DKK3: variants seen among roughly 807,000 people sequenced by gnomAD.
The protein encoded by DKK3 is dickkopf-related protein 3.
In DKK3, 22 loss-of-function variants were observed where a neutral mutation model predicts 33.2. That is an observed-to-expected ratio of 0.66 (90% CI 0.47 to 0.95). The LOEUF is 0.95. Ranked by LOEUF, DKK3 falls within the 40% of genes least tolerant of loss-of-function variation. The pLI is 0.00. For missense variants in DKK3, 398 were observed against 458.4 expected, an observed-to-expected ratio of 0.87 and a Z score of 1.20; for synonymous variants, 194 against 188.8, an observed-to-expected ratio of 1.03 and a Z score of -0.23.
intron 2 of DKK3, among the ~76,000 whole-genome samples, chr11:12,001,216 G>C (rs1285815559): frequency 6.6e-6 from 1 of 152,208 alleles, no homozygotes; most frequent in African/African-American, 2.4e-5. Context: ...ACATTCTTCA[G>C]TCGCAGATGA....
chr11:11,984,204 T>G (rs1429638335), intron 3 of DKK3, among the ~76,000 whole-genome samples: 1 of 152,164 alleles, frequency 6.6e-6, no homozygotes, highest in Non-Finnish European at 1.5e-5. Flanking sequence ...TGAATAAAGG[T>G]AAACATACAG....
At chr11:11,995,308 C>T (rs539391203) in intron 3 of DKK3, among the ~76,000 whole-genome samples, 3 of 152,220 alleles carry the variant, frequency 2.0e-5, no homozygotes, top group African/African-American at 7.2e-5. Context: ...TGGTCTTGAA[C>T]TCCTGTCTTC....
chr11:11,966,597 A>C (rs986320956), intron 5 of DKK3, among the ~76,000 whole-genome samples: 3 of 152,082 alleles, frequency 2.0e-5, no homozygotes, highest in African/African-American at 7.2e-5. Context: ...AGCAGACCTC[A>C]CCTGGGAGAG....
At chr11:11,997,963 G>A (rs946822020) in intron 3 of DKK3, among the ~76,000 whole-genome samples, 1 of 152,010 alleles carries the variant, frequency 6.6e-6, no homozygotes, top group South Asian at 2.1e-4. Context: ...CATAAAAAAG[G>A]CACACTTTCC....
At position 11,996,211 on chromosome 11, in the gene DKK3, G is replaced by A. The variant is rs371691136; in HGVS notation, c.435+2485C>T. On this transcript the variant is annotated intron_variant, in intron 3 of 6. Coordinates refer to ENST00000683431, the MANE Select transcript of DKK3 (RefSeq NM_001018057.2). ...TGTGTAATGCATTTCAGAGCCAACC[G>A]TAAAAATCATTAAATTGCAAAATGA... 1.1e-4 allele frequency among the ~76,000 whole-genome samples: 17 copies of A among 152,248 alleles called. No homozygotes were observed. In the East Asian group the frequency reaches 1.3e-3, roughly 12 times the overall value.
chr11:11,974,102 A>G (rs1286784681), intron 3 of DKK3, among the ~76,000 whole-genome samples: 1 of 152,240 alleles, frequency 6.6e-6, no homozygotes, highest in African/African-American at 2.4e-5. Flanking sequence ...TCTCAAGCCC[A>G]TGGCTCTGGA....
chr11:11,966,899 A>G, intron 5 of DKK3, 55 bp downstream of exon 5: 3 of 1,595,126 alleles, frequency 1.9e-6, no homozygotes, highest in Non-Finnish European at 2.6e-6. Flanking sequence ...CAGGAGGTCC[A>G]GTGTGGTGGA....
chr11:11,998,512 G>T lies in DKK3; in HGVS notation c.435+184C>A, dbSNP rs73421387. On this transcript the variant is annotated intron_variant, in intron 3 of 6. Transcript: ENST00000683431. ...TTTCTGATGCCAAGTGCATGGAGGC[G>T]TAACCTATTACTGGACTACATCTGT... The T allele has an allele frequency of 6.0e-6, 4 of 663,466 alleles. No individual in the cohort carries two copies. The East Asian group carries it at 8.1e-5, about 14-fold the overall frequency. 41.1% of individuals were successfully genotyped at this position (663,466 alleles called of 1,614,324 possible).
At chr11:11,971,029 AT>A (rs35525674) in intron 3 of DKK3, among the ~76,000 whole-genome samples, 10,279 of 138,748 alleles carry the variant, frequency 0.074, 551 homozygotes, top group African/African-American at 0.18. Context: ...AAAATTGAAG[AT>A]TTTTTTTTTT....
intron 3 of DKK3, among the ~76,000 whole-genome samples, chr11:11,993,960 A>G (rs140244681): frequency 0.024 from 3,584 of 152,108 alleles, 54 homozygotes; most frequent in African/African-American, 0.035. Context: ...TGTATCCCCA[A>G]TCCTCAACCT....
At chr11:12,007,507 A>G (rs942768911) in intron 1 of DKK3, among the ~76,000 whole-genome samples, 2 of 152,210 alleles carry the variant, frequency 1.3e-5, no homozygotes, top group African/African-American at 2.4e-5. Context: ...GTGGGTGACC[A>G]TCACAGAGGA....
upstream of DKK3, chr11:12,008,915 T>G (rs1433680157): frequency 3.7e-5 from 39 of 1,065,286 alleles, no homozygotes; most frequent in Non-Finnish European, 4.3e-5. The surrounding 1 kb of genome is among the most constrained non-coding windows in gnomAD (Gnocchi z 4.6). Flanking sequence ...CCGGATCCTC[T>G]ACGCTAATAG....
At chr11:11,972,700 G>A (rs546332952) in intron 3 of DKK3, among the ~76,000 whole-genome samples, 2 of 152,330 alleles carry the variant, frequency 1.3e-5, no homozygotes, top group East Asian at 3.9e-4. Flanking sequence ...GACAGGCCCT[G>A]AGCTGAGAAA....
intron 3 of DKK3, among the ~76,000 whole-genome samples, chr11:11,986,057 G>A (rs910125836): frequency 6.6e-6 from 1 of 152,136 alleles, no homozygotes; most frequent in Admixed American, 6.5e-5. Flanking sequence ...CCTAAGTTCT[G>A]CTTGCCAGGC....
At chr11:11,981,429 C>T (rs1590521260) in intron 3 of DKK3, among the ~76,000 whole-genome samples, 1 of 152,166 alleles carries the variant, frequency 6.6e-6, no homozygotes, top group African/African-American at 2.4e-5. Flanking sequence ...TGGTACCTGT[C>T]CAAGTTCCTA....
intron 3 of DKK3, among the ~76,000 whole-genome samples, chr11:11,988,230 A>G (rs957395573): frequency 6.6e-6 from 1 of 152,226 alleles, no homozygotes; most frequent in Non-Finnish European, 1.5e-5. Flanking sequence ...TAGACAGAGC[A>G]ATGAGATCTG....
At chr11:11,973,891 C>T (rs375921920) in intron 3 of DKK3, among the ~76,000 whole-genome samples, 2 of 152,334 alleles carry the variant, frequency 1.3e-5, no homozygotes, top group African/African-American at 4.8e-5. Flanking sequence ...TCCCTGGAGG[C>T]TTTCCCAGAG....
At chr11:11,965,312 A>T (rs1233170579) in intron 6 of DKK3, among the ~76,000 whole-genome samples, 1 of 152,122 alleles carries the variant, frequency 6.6e-6, no homozygotes, top group African/African-American at 2.4e-5. Context: ...GTTGGGAGAG[A>T]AGACTGAGTA....
At chr11:11,964,844 C>T in intron 6 of DKK3, 158 bp from the exon 7 acceptor site, 2 of 1,413,538 alleles carry the variant, frequency 1.4e-6, no homozygotes, top group Non-Finnish European at 1.9e-6. Context: ...CAACATCTAT[C>T]TTAAAATGAT....
Sources: gnomAD v4.1 joint callset for allele counts (sites outside exome capture counted in the v4.1 genomes callset) on GRCh38, gnomAD v4.1.1 for gene constraint, Gnocchi (gnomAD v3.1) non-coding constraint, MANE v1.5 for transcripts, NCBI Gene and HGNC (gene_info 2026-07-23, HGNC 2026-07-21) for gene names.